The following HYDIN variants were observed in gnomAD, a reference collection of about 807,000 sequenced individuals.
HYDIN encodes HYDIN axonemal central pair apparatus protein, also known as axonemal central pair apparatus protein HYDIN.
In HYDIN, 132 loss-of-function variants were observed where a neutral mutation model predicts 403.9. The ratio of observed to expected loss-of-function variants is 0.33; its 90% CI spans 0.28 to 0.38. The LOEUF (loss-of-function observed/expected upper bound fraction) is 0.38, where lower values mean the gene tolerates loss of function less well. Among genes scored for constraint, HYDIN ranks in the 10% least tolerant of loss-of-function variants. The probability of loss-of-function intolerance (pLI) is 1.00; values close to 1 mark genes in which losing one functional copy is unlikely to be tolerated. For synonymous variants in HYDIN, 1,202 were observed against 1,891.7 expected (o/e 0.64, Z 9.46); for missense variants, 2,827 against 5,009.5 (o/e 0.56, Z 13.15).
At chr16:71,012,624 A>G (rs2080126023) in intron 23 of HYDIN, among the ~76,000 whole-genome samples, 1 of 152,224 alleles carries the variant, frequency 6.6e-6, no homozygotes, top group South Asian at 2.1e-4. Flanking sequence ...GTGAAGGAAC[A>G]TGAGAGTGTC....
intron 17 of HYDIN, among the ~76,000 whole-genome samples, chr16:71,061,253 G>A (rs2082068733): frequency 1.3e-5 from 2 of 149,144 alleles, no homozygotes; most frequent in Non-Finnish European, 3.0e-5. Flanking sequence ...TGAGCCTCGT[G>A]GGGGACCTGA....
At chr16:71,055,941 T>C (rs543814187) in intron 18 of HYDIN, among the ~76,000 whole-genome samples, 22 of 152,142 alleles carry the variant, frequency 1.4e-4, no homozygotes, top group African/African-American at 5.1e-4. Context: ...AAAGGAGGCA[T>C]CTGTCCTCCA....
chr16:71,164,712 A>G (rs902238401), intron 5 of HYDIN, among the ~76,000 whole-genome samples: 2 of 103,198 alleles, frequency 1.9e-5, no homozygotes, highest in Non-Finnish European at 3.9e-5. Context: ...TATGTCCCAA[A>G]CCAAAGCTCC....
At chr16:71,216,128 C>T (rs1305014380) in intron 1 of HYDIN, among the ~76,000 whole-genome samples, 1 of 152,020 alleles carries the variant, frequency 6.6e-6, no homozygotes, top group Non-Finnish European at 1.5e-5. Flanking sequence ...GTAGACAGTC[C>T]AGAGAAATGT....
At chr16:71,092,819 G>A (rs1220933799) in intron 11 of HYDIN, among the ~76,000 whole-genome samples, 2 of 141,110 alleles carry the variant, frequency 1.4e-5, no homozygotes, top group Non-Finnish European at 3.0e-5. Context: ...GACCTCAAGT[G>A]ATCCACTGCC....
chr16:70,810,361 C>T (rs1364360203), intron 84 of HYDIN, among the ~76,000 whole-genome samples: 2 of 152,186 alleles, frequency 1.3e-5, no homozygotes, highest in African/African-American at 2.4e-5. Flanking sequence ...CTCAGAACAG[C>T]GTCCTGGGTT....
chr16:71,205,942 C>T (rs575103492), intron 1 of HYDIN, among the ~76,000 whole-genome samples: 1 of 152,340 alleles, frequency 6.6e-6, no homozygotes, highest in East Asian at 1.9e-4. Context: ...CTACTGACCT[C>T]AACCACTGAT....
intron 70 of HYDIN, 79 bp from the exon 71 acceptor site, chr16:70,860,285 C>T (rs1474630654): frequency 1.3e-6 from 2 of 1,510,990 alleles, no homozygotes; most frequent in African/African-American, 2.8e-5. Flanking sequence ...AGAACCTGGC[C>T]CCAACCCAGT....
intron 2 of HYDIN, 121 bp downstream of exon 2, chr16:71,186,640 C>A: frequency 2.5e-6 from 2 of 790,494 alleles, no homozygotes; most frequent in Non-Finnish European, 2.0e-6. Flanking sequence ...ACCATTATAA[C>A]TAAATTGATA....
At chr16:71,098,198 T>TC (rs1568149603) in intron 10 of HYDIN, among the ~76,000 whole-genome samples, 2 of 134,796 alleles carry the variant, frequency 1.5e-5, no homozygotes, top group African/African-American at 3.6e-5. Flanking sequence ...GATAAAACTT[T>TC]CTTTCTTTTT....
Position 71,005,036 on chromosome 16 carries a change from T to C in HYDIN, c.3645-12826A>G, listed in dbSNP as rs1446883426. On this transcript the variant is annotated intron_variant, in intron 23 of 85. Coordinates refer to ENST00000393567, the MANE Select transcript of HYDIN (RefSeq NM_001270974.2). Reference sequence around the variant, plus strand: ...GCCTGTGTTTTTGTTTACTTGTTTGTTTCTTGTTATCTATTTGCTATTGAT... The same window carrying C: ...GCCTGTGTTTTTGTTTACTTGTTTGCTTCTTGTTATCTATTTGCTATTGAT... 1.5e-4 allele frequency among the ~76,000 whole-genome samples: 23 copies of C among 152,252 alleles called. No individual in the cohort carries two copies. In the East Asian group the frequency reaches 4.2e-3, roughly 28 times the overall value.
chr16:70,896,176 G>T lies in HYDIN; in HGVS notation c.9049-96C>A, dbSNP rs1214261906. 26 of 1,476,188 alleles carry T rather than the reference G, an allele frequency of 1.8e-5. No individual in the cohort carries two copies. The East Asian group carries it at 5.3e-4, about 30-fold the overall frequency. 91.4% of individuals were successfully genotyped at this position (1,476,188 alleles called of 1,614,324 possible). A position where few individuals can be genotyped will look rare whatever the true frequency, so the allele number is the denominator to read the frequency against. ...TCCTAACGGGGATACGGCAGGGAAC[G>T]TTTTGAAGTGTATTCCCCTGTAGGT... On this transcript the variant is annotated intron_variant, in intron 53 of 85. Transcript: ENST00000393567.
chr16:71,075,488 C>T (rs920177971), intron 13 of HYDIN, among the ~76,000 whole-genome samples: 26 of 151,618 alleles, frequency 1.7e-4, no homozygotes, highest in Admixed American at 5.9e-4. Flanking sequence ...TGAGCCAGAG[C>T]TCCCTAACAT....
At chr16:71,117,935 G>A (rs1426404638) in intron 9 of HYDIN, among the ~76,000 whole-genome samples, 1 of 151,756 alleles carries the variant, frequency 6.6e-6, no homozygotes, top group Non-Finnish European at 1.5e-5. Context: ...GGGGAGCAGA[G>A]AGGGCTGTAA....
chr16:70,831,201 A>G (rs867837867), intron 80 of HYDIN, among the ~76,000 whole-genome samples: 38 of 151,994 alleles, frequency 2.5e-4, no homozygotes, highest in African/African-American at 6.3e-4. Flanking sequence ...CTTGACTGAC[A>G]AACTCCAATG....
chr16:70,837,081 T>A (rs562419531), intron 77 of HYDIN, among the ~76,000 whole-genome samples: 90 of 152,146 alleles, frequency 5.9e-4, no homozygotes, highest in African/African-American at 2.1e-3. Flanking sequence ...ATACAGATAA[T>A]CCCACCAGAC....
chr16:71,083,713 A>C (rs2082851453), intron 12 of HYDIN, among the ~76,000 whole-genome samples: 1 of 152,192 alleles, frequency 6.6e-6, no homozygotes. Flanking sequence ...ATACATTGTT[A>C]AGTGCCTGCC....
chr16:70,965,853 C>A (rs867072749), intron 36 of HYDIN, among the ~76,000 whole-genome samples: 2 of 150,766 alleles, frequency 1.3e-5, no homozygotes, highest in Non-Finnish European at 2.9e-5. Flanking sequence ...TATTGCCCTA[C>A]CAGATGACAA....
intron 10 of HYDIN, among the ~76,000 whole-genome samples, chr16:71,098,632 C>T (rs368648011): frequency 2.7e-5 from 4 of 146,200 alleles, no homozygotes; most frequent in South Asian, 2.1e-4. Flanking sequence ...TTCAGAATGG[C>T]AAAGAAAGAG....
Sources: allele counts gnomAD v4.1 joint callset (sites outside exome capture counted in the v4.1 genomes callset), GRCh38; gene constraint gnomAD v4.1.1; transcripts MANE v1.5; gene names NCBI Gene and HGNC (gene_info 2026-07-23, HGNC 2026-07-21).